The following BRINP1 variants were observed in gnomAD, a reference collection of about 807,000 sequenced individuals.
BRINP1 encodes the protein BMP/retinoic acid inducible neural specific 1, also known as BMP/retinoic acid-inducible neural-specific protein 1.
A neutral mutation model predicts 72.9 loss-of-function variants in BRINP1; 17 were observed. The ratio of observed to expected loss-of-function variants is 0.23; its 90% CI spans 0.16 to 0.35. The LOEUF is 0.35. Among genes scored for constraint, BRINP1 ranks in the 10% least tolerant of loss-of-function variants. BRINP1 has a pLI of 1.00. For synonymous variants in BRINP1, 418 were observed against 378.5 expected (o/e 1.10, Z -1.21); for missense variants, 850 against 1,001.6 (o/e 0.85, Z 2.04).
intron 7 of BRINP1, among the ~76,000 whole-genome samples, chr9:119,208,038 C>T (rs1364746984): frequency 6.6e-6 from 1 of 152,154 alleles, no homozygotes; most frequent in Non-Finnish European, 1.5e-5. Context: ...CCTTCTGTGC[C>T]CCTGAGAGAG....
At chr9:119,311,101 G>A (rs1398428698) in intron 2 of BRINP1, among the ~76,000 whole-genome samples, 1 of 152,130 alleles carries the variant, frequency 6.6e-6, no homozygotes, top group Admixed American at 6.6e-5. Flanking sequence ...CTTGAAATGT[G>A]CATGTGTTTA....
intron 1 of BRINP1, among the ~76,000 whole-genome samples, chr9:119,353,274 C>T (rs909566159): frequency 6.6e-6 from 1 of 152,160 alleles, no homozygotes; most frequent in Non-Finnish European, 1.5e-5. Flanking sequence ...CCTTATTTTT[C>T]ATTGCCTCCT....
At chr9:119,272,091 CAA>C (rs59092561) in intron 2 of BRINP1, among the ~76,000 whole-genome samples, 6,517 of 119,454 alleles carry the variant, frequency 0.055, 416 homozygotes, top group African/African-American at 0.17. Flanking sequence ...TTTTTTGAGA[CAA>C]AAAAAAAAAA....
intron 5 of BRINP1, among the ~76,000 whole-genome samples, chr9:119,220,953 GT>G (rs1055880903): frequency 6.6e-6 from 1 of 152,184 alleles, no homozygotes; most frequent in Non-Finnish European, 1.5e-5. Flanking sequence ...GTCATAGGTT[GT>G]TTTTGGTAAG....
At chr9:119,174,476 G>A (rs935372669) in intron 7 of BRINP1, among the ~76,000 whole-genome samples, 1 of 145,970 alleles carries the variant, frequency 6.9e-6, no homozygotes, top group Non-Finnish European at 1.5e-5. Context: ...AACAGGTGCT[G>A]GAGAGGATGT....
intron 2 of BRINP1, among the ~76,000 whole-genome samples, chr9:119,297,409 T>C (rs1241770525): frequency 6.6e-6 from 1 of 152,136 alleles, no homozygotes; most frequent in Non-Finnish European, 1.5e-5. Flanking sequence ...TGGAACCAGA[T>C]TGCCTGGGTT....
chr9:119,227,419 G>A (rs1830102891), intron 5 of BRINP1, among the ~76,000 whole-genome samples: 1 of 151,884 alleles, frequency 6.6e-6, no homozygotes, highest in Admixed American at 6.6e-5. Flanking sequence ...TTCTCCTCTG[G>A]CGAGCATAGA....
chr9:119,297,031 A>G (rs549984114), intron 2 of BRINP1, among the ~76,000 whole-genome samples: 19 of 152,350 alleles, frequency 1.2e-4, no homozygotes, highest in African/African-American at 4.3e-4. Flanking sequence ...TCACAAAAAA[A>G]GAGACGGAAA....
At chr9:119,261,798 CTTCCT>C (rs1240113427) in intron 2 of BRINP1, among the ~76,000 whole-genome samples, 2 of 150,602 alleles carry the variant, frequency 1.3e-5, no homozygotes, top group Admixed American at 6.7e-5. Context: ...TCCTCCCTCC[CTTCCT>C]TTCCTTTCTT....
At chr9:119,353,822 CTTTTTTTTTT>C (rs138900910) in intron 1 of BRINP1, among the ~76,000 whole-genome samples, 3 of 30,962 alleles carry the variant, frequency 9.7e-5, no homozygotes, top group South Asian at 4.1e-3. Flanking sequence ...GTTTTGAGCA[CTTTTTTTTTT>C]TTTTTTTTTT....
chr9:119,177,603 C>T (rs935103768), intron 7 of BRINP1, among the ~76,000 whole-genome samples: 1 of 152,182 alleles, frequency 6.6e-6, no homozygotes, highest in Admixed American at 6.5e-5. Flanking sequence ...CGTAGAGCGC[C>T]CCCTTTCTCG....
intron 1 of BRINP1, among the ~76,000 whole-genome samples, chr9:119,367,734 A>G (rs571322567): frequency 6.6e-6 from 1 of 152,346 alleles, no homozygotes; most frequent in African/African-American, 2.4e-5. Context: ...CAGCAGTTTA[A>G]GTCAATTACT....
intron 1 of BRINP1, among the ~76,000 whole-genome samples, chr9:119,345,093 G>A (rs139321447): frequency 5.9e-5 from 9 of 152,226 alleles, no homozygotes; most frequent in East Asian, 5.8e-4. Context: ...CGAGAGAGCC[G>A]GAAGCACCCA....
chr9:119,306,951 C>A (rs1439882811), intron 2 of BRINP1, among the ~76,000 whole-genome samples: 1 of 152,070 alleles, frequency 6.6e-6, no homozygotes, highest in Non-Finnish European at 1.5e-5. Flanking sequence ...TCATGAAGAC[C>A]AAAATCTAAG....
At chr9:119,254,500 AG>A (rs1830426001) in intron 2 of BRINP1, among the ~76,000 whole-genome samples, 1 of 152,210 alleles carries the variant, frequency 6.6e-6, no homozygotes, top group African/African-American at 2.4e-5. Context: ...GAAACATCAA[AG>A]GGCAGCCTAA....
chr9:119,174,431 C>CAGTT (rs979785193), intron 7 of BRINP1, among the ~76,000 whole-genome samples: 9 of 149,484 alleles, frequency 6.0e-5, no homozygotes, highest in African/African-American at 1.3e-4. Flanking sequence ...CATCTCACAC[C>CAGTT]AGTTAGAATG....
chr9:119,241,242 T>C (rs1320320597), intron 4 of BRINP1, among the ~76,000 whole-genome samples: 2 of 152,200 alleles, frequency 1.3e-5, no homozygotes, highest in Admixed American at 1.3e-4. Context: ...CTATCTCGGC[T>C]AGCACAGATA....
In BRINP1 at chr9:119,279,664, C is replaced by T. The variant is rs142662071; in HGVS notation, c.219-30514G>A. On this transcript the variant is annotated intron_variant, in intron 2 of 7. Coordinates refer to ENST00000265922, the MANE Select transcript of BRINP1 (RefSeq NM_014618.3). ...TTGAACAAGTGTTGATCACTGAAGG[C>T]CTGCACTAATGAACTGATGAAAATA... Among the ~76,000 whole-genome samples the T allele has an allele frequency of 1.9e-3, 293 of 152,250 alleles. 1 individual carries two copies. The highest frequency in any genetic ancestry group is 6.8e-3 in the African/African-American group (282 of 41,532).
chr9:119,311,757 C>A (rs554778622), intron 2 of BRINP1, among the ~76,000 whole-genome samples: 2 of 152,258 alleles, frequency 1.3e-5, no homozygotes, highest in African/African-American at 2.4e-5. Context: ...AACAACCCCC[C>A]AGATGTTTAC....
Sources: gnomAD v4.1 joint callset for allele counts (sites outside exome capture counted in the v4.1 genomes callset) on GRCh38, gnomAD v4.1.1 for gene constraint, MANE v1.5 for transcripts, NCBI Gene and HGNC (gene_info 2026-07-23, HGNC 2026-07-21) for gene names.